Variants in FBRS observed in about 807,000 individuals in gnomAD.
FBRS encodes fibrosin, also known as probable fibrosin-1.
FBRS carries 15 observed loss-of-function variants against 86.1 expected under a neutral mutation model. The observed-to-expected ratio is 0.17, with a 90% CI of 0.12 to 0.27. The LOEUF is 0.27. Ranked by LOEUF, FBRS falls within the 10% of genes least tolerant of loss-of-function variation. The pLI is 1.00. For synonymous variants in FBRS, 666 were observed against 575.8 expected, an observed-to-expected ratio of 1.16 and a Z score of -2.24; for missense variants, 1,367 against 1,301.6, an observed-to-expected ratio of 1.05 and a Z score of -0.77.
rs761622096 is a variant in FBRS at position 30,669,485 on chromosome 16, G to T, written c.2783G>T (p.Arg928Leu). The stretch of plus-strand genomic sequence containing the variant: ...CCTGCTCACCCCTTGCTCTACAGCC[G>T]CTTGGCTCCTCCACCACCACCTGCT... ...LEPAHPLLYS[R>L]LAPPPPPAAA... The change falls in exon 18 of 18, where the codon CGC (arginine) becomes CTC (leucine). Residue 928 changes from arginine to leucine, a missense_variant. Transcript: ENST00000356166. The surrounding 1 kb of genome is among the most constrained non-coding windows in gnomAD (Gnocchi z 5.9). 3.7e-6 allele frequency: 6 copies of T among 1,613,082 alleles called. No individual in the cohort carries two copies. The African/African-American group carries it at 4.0e-5, about 11-fold the overall frequency.
intron 15 of FBRS, chr16:30,668,037 G>A (rs549575585): frequency 3.8e-5 from 8 of 210,156 alleles, no homozygotes; most frequent in Admixed American, 1.7e-4. Flanking sequence ...GGCTGGGGAC[G>A]TGGTGACATT....
chr16:30,660,627 C>T lies in FBRS; in HGVS notation c.639+185C>T, dbSNP rs1472858773. The T allele has an allele frequency of 1.1e-5, 11 of 993,842 alleles. No individual in the cohort carries two copies. The South Asian group carries it at 2.8e-4, about 25-fold the overall frequency. The allele number at this position is 993,842 out of a possible 1,614,324, so 61.6% of individuals were successfully genotyped here. Reference sequence around the variant, plus strand: ...GGCCTGTCTACAGTCAGGTGCACCTCCTTTTGCCTGGTTCTGTGTCTACTT... The same window carrying T: ...GGCCTGTCTACAGTCAGGTGCACCTTCTTTTGCCTGGTTCTGTGTCTACTT... On this transcript the variant is annotated intron_variant, in intron 2 of 17. Transcript: ENST00000356166.
chr16:30,660,252 C>T lies in FBRS; in HGVS notation c.460-11C>T, dbSNP rs2052441238. 3.0e-6 allele frequency: 4 copies of T among 1,326,958 alleles called. No homozygotes were observed. The African/African-American group carries it at 4.6e-5, about 15-fold the overall frequency. 82.2% of individuals were successfully genotyped at this position (1,326,958 alleles called of 1,614,324 possible). A position where few individuals can be genotyped will look rare whatever the true frequency, so the allele number is the denominator to read the frequency against. ...TTTCCATCTATCTCAGCCCCACCTC[C>T]TCCTCCACAGAAGGATGCATCTCTT... On this transcript the variant is annotated splice_polypyrimidine_tract_variant and intron_variant, in intron 1 of 17. Coordinates refer to ENST00000356166, the MANE Select transcript of FBRS (RefSeq NM_001105079.3).
At chr16:30,661,425 C>G in intron 4 of FBRS, 92 bp downstream of exon 4, 1 of 1,546,222 alleles carries the variant, frequency 6.5e-7, no homozygotes, top group Non-Finnish European at 8.7e-7. Context: ...ACAGCCTTCC[C>G]TTGAGTGAGA....
Position 30,666,665 on chromosome 16 carries a change from C to A in FBRS, c.1803+124C>A. 2.0e-6 allele frequency: 3 copies of A among 1,489,994 alleles called. 1 individual carries two copies. Among genetic ancestry groups the A allele is most frequent in the Middle Eastern group, 3.4e-4 (2 of 5,810 alleles). 92.3% of individuals were successfully genotyped at this position (1,489,994 alleles called of 1,614,324 possible). ...AACATGGAGGCAGCCAGATGTGGAA[C>A]AGCAGAGAGTGAGGGCTTTCAAGTT... is the stretch of plus-strand genomic sequence containing the variant. On this transcript the variant is annotated intron_variant, in intron 12 of 17. Coordinates refer to ENST00000356166, the MANE Select transcript of FBRS (RefSeq NM_001105079.3).
chr16:30,666,252 A>G (rs919001918), intron 11 of FBRS: 1 of 588,320 alleles, frequency 1.7e-6, no homozygotes, highest in Admixed American at 3.0e-5. Context: ...TCTCTGAGAA[A>G]CCTGTCCTGC....
chr16:30,662,022 T>G, intron 4 of FBRS: 1 of 209,366 alleles, frequency 4.8e-6, no homozygotes. Flanking sequence ...CAAGCCTGAG[T>G]TTTAATGAGG....
Position 30,665,181 on chromosome 16 carries a change from C to G in FBRS, c.1608+102C>G. ...TGGGGTCCAGTCTTCAGCACAAAAG[C>G]AAGAGCCTTGAGCCTGGGACAGCTC... On this transcript the variant is annotated intron_variant, in intron 9 of 17. Coordinates refer to ENST00000356166, the MANE Select transcript of FBRS (RefSeq NM_001105079.3). The surrounding 1 kb of genome is among the most constrained non-coding windows in gnomAD (Gnocchi z 4.1). 1.3e-6 allele frequency: 2 copies of G among 1,534,638 alleles called. No individual in the cohort carries two copies. Among genetic ancestry groups the G allele is most frequent in the Non-Finnish European group, 1.8e-6 (2 of 1,136,912 alleles).
chr16:30,668,329 ATCT>A lies in FBRS; in HGVS notation c.2075-228_2075-226del, dbSNP rs2052545826. 6.3e-5 allele frequency: 33 copies of A among 524,324 alleles called. No individual in the cohort carries two copies. The South Asian group carries it at 9.3e-4, about 15-fold the overall frequency. The allele number at this position is 524,324 out of a possible 1,614,324, so 32.5% of individuals were successfully genotyped here. A position where few individuals can be genotyped will look rare whatever the true frequency, so the allele number is the denominator to read the frequency against. ...CCTCTCTGAGCCTCTCTGTTTTATCATCTTCAAGTGGGCATGATCCTAACCACC... is the reference window on the plus strand; with the variant it reads ...CCTCTCTGAGCCTCTCTGTTTTATCATCAAGTGGGCATGATCCTAACCACC... On this transcript the variant is annotated intron_variant, in intron 15 of 17. Coordinates refer to ENST00000356166, the MANE Select transcript of FBRS (RefSeq NM_001105079.3).
rs1369172163 is a variant in FBRS at position 30,662,611 on chromosome 16, G to T, written c.807G>T (p.Val269=). 1 of 1,541,748 alleles carries T rather than the reference G, an allele frequency of 6.5e-7. No homozygotes were observed. Among genetic ancestry groups the T allele is most frequent in the Non-Finnish European group, 8.8e-7 (1 of 1,140,836 alleles). The change falls in exon 6 of 18, where the codon GTG becomes GTT. Residue 269 remains valine (V), a synonymous_variant. Transcript: ENST00000356166. ...GGAACTGTGAAGCAAAACTCTCCGTGGTCCCTAAAGTGTCGGGCCTGGAGC... is the reference window on the plus strand; with the variant it reads ...GGAACTGTGAAGCAAAACTCTCCGTTGTCCCTAAAGTGTCGGGCCTGGAGC... ...FNGNCEAKLS[V]VPKVSGLERS...
rs1302438683 is a variant in FBRS, at chr16:30,666,508, C to A, written c.1774-4C>A. On this transcript the variant is annotated splice_polypyrimidine_tract_variant and splice_region_variant and intron_variant, in intron 11 of 17. Transcript: ENST00000356166. The stretch of plus-strand genomic sequence containing the variant: ...GCCTCCCATCTCTCCTTTGCCATCC[C>A]CAGATCCCCGACCATTTCCGGCCAC... 1.9e-6 allele frequency: 3 copies of A among 1,613,900 alleles called. No individual in the cohort carries two copies. Among genetic ancestry groups the A allele is most frequent in the Non-Finnish European group, 2.5e-6 (3 of 1,179,916 alleles).
chr16:30,660,081 A>T, intron 1 of FBRS, 104 bp downstream of exon 1: 1 of 1,456,480 alleles, frequency 6.9e-7, no homozygotes. Context: ...CTGGCACCCC[A>T]AACCAGAGCA....
chr16:30,659,876 G>C lies in FBRS; in HGVS notation c.358G>C (p.Asp120His). The change falls in exon 1 of 18, where the codon GAC becomes CAC. Residue 120 changes from aspartate to histidine, a missense_variant. Asp to His is a moderately conservative substitution (Grantham distance 81). This residue lies in a region of FBRS where 702 missense variants were observed against 598.7 expected (regional missense o/e 1.17). Transcript: ENST00000356166. ...GGAGGAGGAGGAGGGGGGCGCAGAC[G>C]ACGGCGAAGCCGAGGAGGAGCCTGA... ...EEEEEEGGAD[D>H]GEAEEEPEEE... The C allele has an allele frequency of 6.5e-7, 1 of 1,545,684 alleles. No individual in the cohort carries two copies. Among genetic ancestry groups the C allele is most frequent in the Non-Finnish European group, 8.7e-7 (1 of 1,146,618 alleles).
rs1022793541 is a variant in FBRS at position 30,670,084 on chromosome 16, G to A, written c.*439G>A. ...GGGGCTCAAGGAAGGGGGGTTCCAT[G>A]TACATATTTATCACCCCTTTCACAT... On this transcript the variant is annotated 3_prime_UTR_variant, in exon 18 of 18. Coordinates refer to ENST00000356166, the MANE Select transcript of FBRS (RefSeq NM_001105079.3). 3.1e-5 allele frequency: 15 copies of A among 476,456 alleles called. No individual in the cohort carries two copies. The highest frequency in any genetic ancestry group is 5.0e-5 in the Non-Finnish European group (12 of 240,282). The allele number at this position is 476,456 out of a possible 1,614,324, so 29.5% of individuals were successfully genotyped here.
chr16:30,665,338 G>C lies in FBRS; in HGVS notation c.1641G>C (p.Gly547=). The C allele has an allele frequency of 6.4e-7, 1 of 1,566,178 alleles. No homozygotes were observed. The highest frequency in any genetic ancestry group is 8.6e-7 in the Non-Finnish European group (1 of 1,156,464). Residue 547 remains glycine, a synonymous_variant, in exon 10 of 18, where the codon GGG becomes GGC. Coordinates refer to ENST00000356166, the MANE Select transcript of FBRS (RefSeq NM_001105079.3). The surrounding 1 kb of genome is among the most constrained non-coding windows in gnomAD (Gnocchi z 4.1). The part of the protein sequence containing the change: ...PYTAFPPAVP[G]LPPGLPPAVS... ...CGGCCTTCCCTCCCGCAGTGCCCGG[G>C]CTGCCTCCGGGCCTCCCGCCGGCCG...
chr16:30,664,449 G>A lies in FBRS; in HGVS notation c.1290G>A (p.Leu430=), dbSNP rs1194160691. The A allele has an allele frequency of 6.2e-6, 5 of 809,586 alleles. No homozygotes were observed. In the South Asian group the frequency reaches 1.2e-4, roughly 20 times the overall value. 50.2% of individuals were successfully genotyped at this position (809,586 alleles called of 1,614,324 possible). A position where few individuals can be genotyped will look rare whatever the true frequency, so the allele number is the denominator to read the frequency against. The change falls in exon 7 of 18, where the codon CTG becomes CTA. Residue 430 remains leucine, a synonymous_variant. Transcript: ENST00000356166. The part of the protein sequence containing the change: ...HPSLFSPGPT[L]PPPPPLLQVP... ...CCTTGTTCTCCCCTGGCCCCACCCT[G>A]CCCCCACCCCCACCCCTGCTGCAGG...
At position 30,669,232 on chromosome 16, in the gene FBRS, G is replaced by T. The variant is rs1335482389; in HGVS notation, c.2530G>T (p.Ala844Ser). 51 of 1,548,616 alleles carry T rather than the reference G, an allele frequency of 3.3e-5. No individual in the cohort carries two copies. Among genetic ancestry groups the T allele is most frequent in the Non-Finnish European group, 4.3e-5 (49 of 1,146,314 alleles). Residue 844 changes from alanine (A) to serine (S), a missense_variant, in exon 18 of 18, where the codon GCC becomes TCC. This residue lies in a region of FBRS where 659 missense variants were observed against 678.8 expected (regional missense o/e 0.97). Transcript: ENST00000356166. This position sits in a 1 kb window ranked among gnomAD's most constrained non-coding sequence, Gnocchi z 5.9. ...TGCCGCTGCTGCTGCCGCCGCCGCT[G>T]CCGCCGCCGCAGCAGCCACTGGGCC... ...AAAAAAAAAA[A>S]AAAAATGPQG...
At position 30,665,476 on chromosome 16, in the gene FBRS, C is replaced by A; in HGVS notation, c.1704+75C>A. The A allele has an allele frequency of 6.8e-7, 1 of 1,461,004 alleles. No homozygotes were observed. The highest frequency in any genetic ancestry group is 9.4e-7 in the Non-Finnish European group (1 of 1,064,866). 90.5% of individuals were successfully genotyped at this position (1,461,004 alleles called of 1,614,324 possible). On this transcript the variant is annotated intron_variant, in intron 10 of 17. Coordinates refer to ENST00000356166, the MANE Select transcript of FBRS (RefSeq NM_001105079.3). This position sits in a 1 kb window ranked among gnomAD's most constrained non-coding sequence, Gnocchi z 4.1. ...AGACACGCCGGGTCCAAGCACCCTT[C>A]TCCCATTCCCCAAAGTCGTGCCCAT...
Position 30,670,130 on chromosome 16 carries a change from A to G in FBRS, c.*485A>G, listed in dbSNP as rs776961754. 9 of 460,860 alleles carry G rather than the reference A, an allele frequency of 2.0e-5. No individual in the cohort carries two copies. The highest frequency in any genetic ancestry group is 3.9e-5 in the Non-Finnish European group (9 of 229,092). The allele number at this position is 460,860 out of a possible 1,614,324, so 28.5% of individuals were successfully genotyped here. The stretch of plus-strand genomic sequence containing the variant: ...CACATAGCCCCAAGACCTTTTGTAC[A>G]TTTTTACAGGGGTGCCCCTCCCAAC... On this transcript the variant is annotated 3_prime_UTR_variant, in exon 18 of 18. Coordinates refer to ENST00000356166, the MANE Select transcript of FBRS (RefSeq NM_001105079.3).
Sources: gnomAD v4.1 joint callset for allele counts on GRCh38, gnomAD v4.1.1 for gene constraint, gnomAD v4.1.1 regional missense constraint, Gnocchi (gnomAD v3.1) non-coding constraint, MANE v1.5 for transcripts, NCBI Gene and HGNC (gene_info 2026-07-23, HGNC 2026-07-21) for gene names.